The following ODF2 variants were observed in gnomAD, a reference collection of about 807,000 sequenced individuals.
The protein encoded by ODF2 is outer dense fiber of sperm tails 2, also known as outer dense fiber protein 2.
ODF2 carries 47 observed loss-of-function variants against 110.2 expected under a neutral mutation model. The observed-to-expected ratio is 0.43, with a 90% confidence interval of 0.34 to 0.54. The LOEUF is 0.54. Ranked by LOEUF, ODF2 falls within the 20% of genes least tolerant of loss-of-function variation. The pLI, the probability that ODF2 is intolerant of heterozygous loss-of-function variation, is 0.03. For synonymous variants in ODF2, 352 were observed against 397.7 expected (o/e 0.89, Z 1.37); for missense variants, 812 against 1,054.5 (o/e 0.77, Z 3.19).
chr9:128,498,203 C>A, intron 18 of ODF2: 1 of 566,610 alleles, frequency 1.8e-6, no homozygotes, highest in Non-Finnish European at 2.7e-6. Flanking sequence ...GCGTTCCCAC[C>A]CTTCACTCTG....
upstream of ODF2, chr9:128,455,858 T>G: frequency 1.1e-6 from 1 of 949,154 alleles, no homozygotes. Context: ...CTCCTTTGAG[T>G]GAGGGGAATC....
At chr9:128,488,113 T>C (rs1307338458) in intron 14 of ODF2, 88 bp downstream of exon 14, 5 of 1,481,794 alleles carry the variant, frequency 3.4e-6, no homozygotes, top group Middle Eastern at 2.3e-4. Flanking sequence ...TGGGGGCATC[T>C]TGACTAAGAG....
intron 14 of ODF2, 74 bp from the exon 15 acceptor site, chr9:128,492,352 G>T: frequency 2.0e-6 from 2 of 999,158 alleles, no homozygotes; most frequent in South Asian, 1.3e-5. Context: ...CTGGTTCTTT[G>T]GATAGAGTTG....
intron 4 of ODF2, among the ~76,000 whole-genome samples, chr9:128,463,084 G>A (rs977088123): frequency 6.6e-6 from 1 of 151,976 alleles, no homozygotes; most frequent in African/African-American, 2.4e-5. Flanking sequence ...GCAACATAGT[G>A]AGATCCTATC....
intron 8 of ODF2, among the ~76,000 whole-genome samples, chr9:128,477,614 C>CT (rs950458956): frequency 1.2e-4 from 18 of 145,388 alleles, no homozygotes; most frequent in South Asian, 8.9e-4. Flanking sequence ...TTTTTTTTTT[C>CT]TTTTTTTTTG....
chr9:128,455,216 C>T (rs534985018), upstream of ODF2: 43 of 1,535,420 alleles, frequency 2.8e-5, no homozygotes, highest in Middle Eastern at 6.7e-4. Context: ...CAGCAAGGAC[C>T]TCATCAGAAT....
rs780074465 is a variant in ODF2, at chr9:128,494,605, A to G, written c.1848A>G (p.Gln616=). Reference sequence around the variant, plus strand: ...CGAAGCTGGCTGAGTGCCAAGACCAACTGCAGGGCTATGAGCGGAAGAACA... The same window carrying G: ...CGAAGCTGGCTGAGTGCCAAGACCAGCTGCAGGGCTATGAGCGGAAGAACA... Residue 616 remains glutamine (Q), a synonymous_variant, in exon 17 of 21, where the codon CAA becomes CAG. Coordinates refer to ENST00000604420, the Ensembl canonical transcript of ODF2. The surrounding 1 kb of genome is among the most constrained non-coding windows in gnomAD (Gnocchi z 4.6). 6.2e-7 allele frequency: 1 copy of G among 1,614,182 alleles called. No homozygotes were observed. The highest frequency in any genetic ancestry group is 8.5e-7 in the Non-Finnish European group (1 of 1,180,030).
In ODF2 at chr9:128,498,375, G is replaced by A. The variant is rs752632601; in HGVS notation, c.2013-38G>A. On this transcript the variant is annotated intron_variant, in intron 18 of 20. Coordinates refer to ENST00000604420, the Ensembl canonical transcript of ODF2. Reference sequence around the variant, plus strand: ...CTGGCGGGGTGGAACATGACAGGTTGGGGTATGCCCAGGATCTGATTGAGT... The same window carrying A: ...CTGGCGGGGTGGAACATGACAGGTTAGGGTATGCCCAGGATCTGATTGAGT... The A allele has an allele frequency of 4.7e-6, 7 of 1,498,942 alleles. No individual in the cohort carries two copies. The East Asian group carries it at 1.7e-4, about 37-fold the overall frequency. 92.9% of individuals were successfully genotyped at this position (1,498,942 alleles called of 1,614,324 possible). A position where few individuals can be genotyped will look rare whatever the true frequency, so the allele number is the denominator to read the frequency against.
upstream of ODF2, chr9:128,455,940 G>A: frequency 1.4e-6 from 2 of 1,402,776 alleles, no homozygotes; most frequent in Non-Finnish European, 9.2e-7. Flanking sequence ...ACCCGGCCAG[G>A]CCCGCTGGAC....
chr9:128,478,467 ACGCTC>A (rs200140349), intron 8 of ODF2, among the ~76,000 whole-genome samples: 1,841 of 152,152 alleles, frequency 0.012, 36 homozygotes, highest in African/African-American at 0.042. Context: ...GCATGGCGGT[ACGCTC>A]CTGTAGTCCC....
At chr9:128,496,241 C>G in intron 18 of ODF2, 100 bp downstream of exon 18, 3 of 1,567,458 alleles carry the variant, frequency 1.9e-6, no homozygotes, top group Non-Finnish European at 2.6e-6. Context: ...TTGAGGGACT[C>G]GAGGCCCTGG....
intron 3 of ODF2, 27 bp downstream of exon 3, chr9:128,460,693 A>G (rs763042769): frequency 6.2e-7 from 1 of 1,613,354 alleles, no homozygotes; most frequent in South Asian, 1.1e-5. Context: ...GGGGCGAGGT[A>G]GTAGCTGTGG....
rs531907870 is a variant in ODF2 at position 128,466,187 on chromosome 9, C to T, written c.250-2996C>T. Among the ~76,000 whole-genome samples, 12 of 151,708 alleles carry T rather than the reference C, an allele frequency of 7.9e-5. No homozygotes were observed. In the East Asian group the frequency reaches 2.1e-3, roughly 27 times the overall value. ...AAAGAAAAACGAAAAGAGGACTGGCCGGGCCTGGTGTCTCACGCCTGTAAT... is the reference window on the plus strand; with the variant it reads ...AAAGAAAAACGAAAAGAGGACTGGCTGGGCCTGGTGTCTCACGCCTGTAAT... On this transcript the variant is annotated intron_variant, in intron 4 of 20. Transcript: ENST00000604420.
chr9:128,460,746 T>G, intron 3 of ODF2, 80 bp downstream of exon 3: 1 of 1,572,952 alleles, frequency 6.4e-7, no homozygotes, highest in African/African-American at 1.4e-5. Context: ...GCACTCTGAC[T>G]CCAAAGGTTT....
At chr9:128,496,412 T>A in intron 18 of ODF2, 4 of 1,181,906 alleles carry the variant, frequency 3.4e-6, no homozygotes, top group Non-Finnish European at 4.5e-6. Context: ...GCATGCCTGG[T>A]CCAGGCCTGC....
chr9:128,481,990 C>T (rs1842490940), intron 9 of ODF2, among the ~76,000 whole-genome samples: 2 of 152,154 alleles, frequency 1.3e-5, no homozygotes, highest in Admixed American at 1.3e-4. Flanking sequence ...CACCTTTGGA[C>T]TCAGTAATCC....
chr9:128,456,581 G>A (rs1051930894), intron 1 of ODF2: 133 of 1,523,490 alleles, frequency 8.7e-5, no homozygotes, highest in Non-Finnish European at 1.1e-4. Context: ...CTGCTGGTGG[G>A]TGGCCGTCCC....
intron 14 of ODF2, among the ~76,000 whole-genome samples, chr9:128,488,785 C>T (rs1843930162): frequency 1.3e-5 from 2 of 152,110 alleles, no homozygotes; most frequent in South Asian, 4.1e-4. Flanking sequence ...AGGCGGATCA[C>T]CTGAGGTCAG....
intron 8 of ODF2, among the ~76,000 whole-genome samples, chr9:128,479,763 C>T (rs1458248610): frequency 6.6e-6 from 1 of 152,098 alleles, no homozygotes; most frequent in Non-Finnish European, 1.5e-5. Context: ...ATATTAGAGA[C>T]ACGGAGAGGT....
Sources: allele counts gnomAD v4.1 joint callset (sites outside exome capture counted in the v4.1 genomes callset), GRCh38; gene constraint gnomAD v4.1.1; non-coding constraint Gnocchi (gnomAD v3.1); transcripts MANE v1.5; gene names NCBI Gene and HGNC (gene_info 2026-07-23, HGNC 2026-07-21).